ETNPPL: variants seen among roughly 807,000 people sequenced by gnomAD.
ETNPPL encodes the protein ethanolamine-phosphate phospho-lyase.
Under a neutral mutation model 55.5 loss-of-function variants are expected in ETNPPL, and 30 were observed. The ratio of observed to expected loss-of-function variants is 0.54; its 90% CI spans 0.40 to 0.73. The LOEUF (loss-of-function observed/expected upper bound fraction) is 0.73, where lower values mean the gene tolerates loss of function less well. Ranked by LOEUF, ETNPPL falls within the 30% of genes least tolerant of loss-of-function variation. The pLI is 0.00. For missense variants in ETNPPL, 528 were observed against 607.9 expected, an observed-to-expected ratio of 0.87 and a Z score of 1.38; for synonymous variants, 202 against 207.2, an observed-to-expected ratio of 0.98 and a Z score of 0.21.
In ETNPPL at chr4:108,762,990, G is replaced by A; in HGVS notation, c.-92C>T. ...GGGACTGCCTTGGCGGCCCCGGCCG[G>A]CCTTCCTCCCGTTATCCCTCCTGGC... On this transcript the variant is annotated 5_prime_UTR_variant, in exon 1 of 13. Transcript: ENST00000296486. 7.8e-7 allele frequency: 1 copy of A among 1,278,200 alleles called. No homozygotes were observed. Among genetic ancestry groups the A allele is most frequent in the South Asian group, 1.2e-5 (1 of 81,564 alleles). 79.2% of individuals were successfully genotyped at this position (1,278,200 alleles called of 1,614,324 possible).
In ETNPPL at chr4:108,747,139, TATATATATAATATATATATATATATTA is replaced by T. The variant is rs1728563536; in HGVS notation, c.1083-315_1083-289del. Among the ~76,000 whole-genome samples the T allele has an allele frequency of 7.2e-5, 2 of 27,710 alleles. 1 individual carries two copies. The highest frequency in any genetic ancestry group is 1.2e-4 in the Non-Finnish European group (2 of 17,182). The allele number at this position is 27,710 out of a possible 152,430, so 18.2% of individuals were successfully genotyped here. Reference sequence around the variant, plus strand: ...AATGTTAACATTATATATATATATATATATATATAATATATATATATATATTATATATATATATATAATATATATATA... The same window carrying T: ...AATGTTAACATTATATATATATATATTATATATATATATAATATATATATA... On this transcript the variant is annotated intron_variant, in intron 9 of 12. Coordinates refer to ENST00000296486, the MANE Select transcript of ETNPPL (RefSeq NM_031279.4).
At chr4:108,761,620 C>T (rs1011953487) in intron 1 of ETNPPL, among the ~76,000 whole-genome samples, 7 of 152,184 alleles carry the variant, frequency 4.6e-5, no homozygotes, top group Non-Finnish European at 8.8e-5. Flanking sequence ...TGGCTACACT[C>T]GTGCTTTTAG....
intron 11 of ETNPPL, among the ~76,000 whole-genome samples, chr4:108,745,303 A>T (rs1191177386): frequency 6.6e-6 from 1 of 152,208 alleles, no homozygotes; most frequent in Non-Finnish European, 1.5e-5. Context: ...AAAAGAAAAA[A>T]ATAAAAATTA....
At chr4:108,747,927 A>T in intron 9 of ETNPPL, 78 bp downstream of exon 9, 1 of 1,254,820 alleles carries the variant, frequency 8.0e-7, no homozygotes, top group Non-Finnish European at 1.1e-6. Flanking sequence ...ACGGGGTCTC[A>T]CCATGTTGCC....
intron 8 of ETNPPL, among the ~76,000 whole-genome samples, chr4:108,748,510 A>G (rs1728731093): frequency 6.6e-6 from 1 of 152,184 alleles, no homozygotes; most frequent in Non-Finnish European, 1.5e-5. Flanking sequence ...AGCTGAGTAA[A>G]AGTAGCTAAG....
intron 1 of ETNPPL, 131 bp downstream of exon 1, chr4:108,762,711 CG>C: frequency 1.8e-6 from 2 of 1,134,810 alleles, no homozygotes; most frequent in Non-Finnish European, 2.7e-6. Flanking sequence ...GCGCGGGGCG[CG>C]TGCACAGGCG....
Position 108,749,235 on chromosome 4 carries a change from T to C in ETNPPL, c.927+3A>G. ...AGCATTAAAGTTGGAGACCAAAATG[T>C]ACCGTATTAAAATATTCCATCCCAG... On this transcript the variant is annotated splice_donor_region_variant and intron_variant, in intron 8 of 12. Transcript: ENST00000296486. The C allele has an allele frequency of 6.2e-7, 1 of 1,604,564 alleles. No homozygotes were observed.
chr4:108,761,322 A>C lies in ETNPPL; in HGVS notation c.57-1016T>G, dbSNP rs553865444. Among the ~76,000 whole-genome samples, 19 of 152,350 alleles carry C rather than the reference A, an allele frequency of 1.2e-4. No individual in the cohort carries two copies. The South Asian group carries it at 3.9e-3, about 32-fold the overall frequency. On this transcript the variant is annotated intron_variant, in intron 1 of 12. Transcript: ENST00000296486. Reference sequence around the variant, plus strand: ...ATTGATATGTAACTGTTTAGAAGGAATTTTGATTATTACAAACAGTAGGTA... The same window carrying C: ...ATTGATATGTAACTGTTTAGAAGGACTTTTGATTATTACAAACAGTAGGTA...
chr4:108,757,301 T>G (rs1674393027), intron 3 of ETNPPL, among the ~76,000 whole-genome samples: 1 of 152,238 alleles, frequency 6.6e-6, no homozygotes, highest in Admixed American at 6.5e-5. Context: ...TACTATCCGT[T>G]AAACATCATG....
At chr4:108,761,569 G>A (rs1729508966) in intron 1 of ETNPPL, among the ~76,000 whole-genome samples, 1 of 152,120 alleles carries the variant, frequency 6.6e-6, no homozygotes, top group East Asian at 1.9e-4. Flanking sequence ...CACCTTGCCC[G>A]TCAGACTTCA....
intron 7 of ETNPPL, among the ~76,000 whole-genome samples, chr4:108,750,625 A>ATTTATATATATATATATATATC (rs1553933962): frequency 8.1e-6 from 1 of 122,890 alleles, no homozygotes; most frequent in African/African-American, 3.8e-5. Context: ...ATATATATAT[A>ATTTATATATATATATATATATC]TCCTATTAGT....
chr4:108,747,868 A>G (rs1436622924), intron 9 of ETNPPL, 137 bp downstream of exon 9: 6 of 656,710 alleles, frequency 9.1e-6, no homozygotes, highest in Non-Finnish European at 1.5e-5. Context: ...AGCTGGGACT[A>G]TTTGTGTGTG....
chr4:108,758,249 C>T (rs1729319929), intron 3 of ETNPPL, among the ~76,000 whole-genome samples: 1 of 151,946 alleles, frequency 6.6e-6, no homozygotes, highest in African/African-American at 2.4e-5. Flanking sequence ...CTTGGCCTCC[C>T]AAAGTGCTGG....
At chr4:108,745,596 AAAATAAAT>A (rs953866727) in intron 11 of ETNPPL, among the ~76,000 whole-genome samples, 148 of 151,952 alleles carry the variant, frequency 9.7e-4, no homozygotes, top group African/African-American at 3.4e-3. Context: ...TCTGTCTCAG[AAAATAAAT>A]AAATAAATAA....
intron 9 of ETNPPL, among the ~76,000 whole-genome samples, chr4:108,747,461 G>A (rs1180527764): frequency 6.7e-6 from 1 of 150,284 alleles, no homozygotes; most frequent in South Asian, 2.1e-4. Flanking sequence ...TATTGTTGTT[G>A]GTTTATTTAT....
At chr4:108,750,522 GTGTATGA>G (rs1357822448) in intron 7 of ETNPPL, among the ~76,000 whole-genome samples, 1 of 149,688 alleles carries the variant, frequency 6.7e-6, no homozygotes, top group Non-Finnish European at 1.5e-5. Flanking sequence ...GTGTGTGTGT[GTGTATGA>G]TATGTGATAT....
chr4:108,762,552 G>T, intron 1 of ETNPPL: 1 of 641,766 alleles, frequency 1.6e-6, no homozygotes, highest in Non-Finnish European at 2.8e-6. Context: ...GCTATTGGCC[G>T]TCATCCACCA....
Position 108,747,970 on chromosome 4 carries a change from TG to T in ETNPPL, c.1082+34del, listed in dbSNP as rs773251900. Reference sequence around the variant, plus strand: ...TAAACTATTATTATTTTGAAAAAAATGAGTAACTACATGACAACTTCATAAT... The same window carrying T: ...TAAACTATTATTATTTTGAAAAAAATAGTAACTACATGACAACTTCATAAT... On this transcript the variant is annotated intron_variant, in intron 9 of 12. Coordinates refer to ENST00000296486, the MANE Select transcript of ETNPPL (RefSeq NM_031279.4). 60 of 1,554,224 alleles carry T rather than the reference TG, an allele frequency of 3.9e-5. No homozygotes were observed. In the African/African-American group the frequency reaches 6.8e-4, roughly 18 times the overall value.
chr4:108,750,089 T>C (rs1197760050), intron 7 of ETNPPL, among the ~76,000 whole-genome samples: 1 of 152,274 alleles, frequency 6.6e-6, no homozygotes, highest in East Asian at 1.9e-4. Flanking sequence ...TCTTCAAATA[T>C]TTACTAATTG....
Sources: gnomAD v4.1 joint callset for allele counts (sites outside exome capture counted in the v4.1 genomes callset) on GRCh38, gnomAD v4.1.1 for gene constraint, MANE v1.5 for transcripts, NCBI Gene and HGNC (gene_info 2026-07-23, HGNC 2026-07-21) for gene names.